Variants in LAMP5 observed in about 807,000 individuals in gnomAD.
LAMP5 encodes lysosome-associated membrane glycoprotein 5.
A neutral mutation model predicts 30.2 loss-of-function variants in LAMP5; 36 were observed. The ratio of observed to expected loss-of-function variants is 1.19; its 90% CI spans 0.91 to 1.57. The LOEUF is 1.57. LAMP5 is among the 40% of genes most tolerant of loss of function. The pLI is 0.00. For missense variants in LAMP5, 377 were observed against 354.9 expected (o/e 1.06, Z -0.50); for synonymous variants, 149 against 134.6 (o/e 1.11, Z -0.74).
chr20:9,516,544 C>A (rs964413300), intron 4 of LAMP5, among the ~76,000 whole-genome samples, 183 bp downstream of exon 4: 1 of 152,094 alleles, frequency 6.6e-6, no homozygotes, highest in Admixed American at 6.6e-5. Context: ...GGTCTCAGGC[C>A]TTGTAGATCC....
At position 9,518,128 on chromosome 20, in the gene LAMP5, T is replaced by G; in HGVS notation, c.564T>G (p.Ile188Met). The G allele has an allele frequency of 1.2e-6, 2 of 1,614,172 alleles. No homozygotes were observed. The highest frequency in any genetic ancestry group is 1.7e-6 in the Non-Finnish European group (2 of 1,180,012). ...KSYECQAQQT[I>M]SLASSDPQKT... ...ATGAGTGTCAAGCTCAACAAACCAT[T>G]TCACTGGCCTCTAGTGATCCGCAGA... Residue 188 changes from isoleucine (I) to methionine (M), a missense_variant, in exon 5 of 6, where the codon ATT becomes ATG. Transcript: ENST00000246070.
Position 9,518,031 on chromosome 20 carries a change from T to C in LAMP5, c.476-9T>C, listed in dbSNP as rs1258589967. On this transcript the variant is annotated splice_polypyrimidine_tract_variant and intron_variant, in intron 4 of 5. Transcript: ENST00000246070. ...GGGTTCTAACTATTGCTCTGGGCTC[T>C]TGCTGTAGCTGGGAAGCACACAGCC... The C allele has an allele frequency of 7.1e-7, 1 of 1,413,946 alleles. No individual in the cohort carries two copies. Among genetic ancestry groups the C allele is most frequent in the Non-Finnish European group, 9.6e-7 (1 of 1,038,358 alleles). The allele number at this position is 1,413,946 out of a possible 1,614,324, so 87.6% of individuals were successfully genotyped here.
chr20:9,516,546 T>C (rs538182315), intron 4 of LAMP5, among the ~76,000 whole-genome samples, 185 bp downstream of exon 4: 54 of 152,214 alleles, frequency 3.5e-4, no homozygotes, highest in African/African-American at 1.2e-3. Context: ...TCTCAGGCCT[T>C]GTAGATCCGC....
intron 1 of LAMP5, 148 bp downstream of exon 1, chr20:9,515,064 G>C (rs1457146697): frequency 9.5e-6 from 7 of 735,158 alleles, no homozygotes; most frequent in Non-Finnish European, 1.6e-5. Context: ...GGGGAGGAGG[G>C]AGGGCCTTCC....
rs769925728 is a variant in LAMP5, at chr20:9,515,528, T to C, written c.140T>C (p.Ile47Thr). Residue 47 changes from isoleucine (I) to threonine (T), a missense_variant, in exon 2 of 6, where the codon ATA becomes ACA. Coordinates refer to ENST00000246070, the MANE Select transcript of LAMP5 (RefSeq NM_012261.4). The part of the protein sequence containing the change: ...SGLSTNPEKD[I>T]FVVRENGTTC... ...CTTTCCACTAACCCTGAAAAAGATA[T>C]ATTTGTGGTGCGGGAAAATGGGACG... 33 of 1,614,026 alleles carry C rather than the reference T, an allele frequency of 2.0e-5. 1 individual carries two copies. The South Asian group carries it at 3.0e-4, about 14-fold the overall frequency.
chr20:9,526,860 G>GTGTA (rs1426298098), intron 5 of LAMP5, among the ~76,000 whole-genome samples: 222 of 80,136 alleles, frequency 2.8e-3, no homozygotes, highest in Middle Eastern at 9.8e-3. Flanking sequence ...GTGTGTGTGT[G>GTGTA]TATATATATA....
At chr20:9,526,329 G>A (rs1011581883) in intron 5 of LAMP5, among the ~76,000 whole-genome samples, 5 of 152,090 alleles carry the variant, frequency 3.3e-5, no homozygotes, top group Admixed American at 6.6e-5. Flanking sequence ...AAAATTGTAT[G>A]AGGTTGCCAC....
chr20:9,519,842 G>A (rs1162411583), intron 5 of LAMP5, among the ~76,000 whole-genome samples: 2 of 152,134 alleles, frequency 1.3e-5, no homozygotes, highest in African/African-American at 4.8e-5. Flanking sequence ...GTTACCACTG[G>A]TGCTATAATT....
rs915573750 is a variant in LAMP5 at position 9,515,531 on chromosome 20, T to C, written c.143T>C (p.Phe48Ser). 5.0e-6 allele frequency: 8 copies of C among 1,614,148 alleles called. No homozygotes were observed. Among genetic ancestry groups the C allele is most frequent in the Non-Finnish European group, 6.8e-6 (8 of 1,180,036 alleles). Residue 48 changes from phenylalanine to serine, a missense_variant, in exon 2 of 6, where the codon TTT becomes TCT. Coordinates refer to ENST00000246070, the MANE Select transcript of LAMP5 (RefSeq NM_012261.4). The stretch of plus-strand genomic sequence containing the variant: ...TCCACTAACCCTGAAAAAGATATAT[T>C]TGTGGTGCGGGAAAATGGGACGACG... Reference protein sequence around the residue: ...GLSTNPEKDIFVVRENGTTCL... With the variant: ...GLSTNPEKDISVVRENGTTCL...
chr20:9,516,132 G>C lies in LAMP5; in HGVS notation c.369+1G>C, dbSNP rs369259714. ...TGCACTCAAAATGCTCTTTGTAAAG[G>C]TAACTCCGAGCCCAGCGGGCAGAGG... On this transcript the variant is annotated splice_donor_variant, in intron 3 of 5. Transcript: ENST00000246070. LOFTEE classifies it high-confidence loss of function. 1 of 1,565,746 alleles carries C rather than the reference G, an allele frequency of 6.4e-7. No individual in the cohort carries two copies. The highest frequency in any genetic ancestry group is 1.4e-5 in the African/African-American group (1 of 72,758).
chr20:9,515,424 C>T, intron 1 of LAMP5, 29 bp from the exon 2 acceptor site: 1 of 1,602,198 alleles, frequency 6.2e-7, no homozygotes, highest in South Asian at 1.1e-5. Flanking sequence ...GAGCCCTGAA[C>T]TGATGGAATT....
chr20:9,528,262 G>A (rs1325051461), intron 5 of LAMP5, among the ~76,000 whole-genome samples: 1 of 152,014 alleles, frequency 6.6e-6, no homozygotes, highest in Non-Finnish European at 1.5e-5. Flanking sequence ...TGACCTCAGA[G>A]AGGTAGAGAG....
chr20:9,527,080 A>C (rs529342652), intron 5 of LAMP5, among the ~76,000 whole-genome samples: 1 of 151,944 alleles, frequency 6.6e-6, no homozygotes, highest in African/African-American at 2.4e-5. Flanking sequence ...AGCTCATTGA[A>C]TTTTCAGATG....
chr20:9,519,627 T>C (rs1603170260), intron 5 of LAMP5, among the ~76,000 whole-genome samples: 2 of 152,226 alleles, frequency 1.3e-5, no homozygotes, highest in East Asian at 1.9e-4. Context: ...AAACTGAAAA[T>C]ATTAAGCATA....
intron 5 of LAMP5, among the ~76,000 whole-genome samples, chr20:9,528,297 GGTGT>G (rs61258824): frequency 1.8e-4 from 25 of 140,254 alleles, no homozygotes; most frequent in East Asian, 4.3e-4. Context: ...GAAGGATATG[GGTGT>G]GTGTGTGTGT....
chr20:9,515,566 G>A lies in LAMP5; in HGVS notation c.178G>A (p.Ala60Thr), dbSNP rs1478849518. 4.3e-6 allele frequency: 7 copies of A among 1,614,052 alleles called. No homozygotes were observed. In the Admixed American group the frequency reaches 1.2e-4, roughly 27 times the overall value. ...VRENGTTCLM[A>T]EFAAKFIVPY... is the part of the protein sequence containing the mutation. ...GGAAAATGGGACGACGTGTCTCATG[G>A]CAGAGTTTGCAGCCAAATTTATTGT... is the stretch of plus-strand genomic sequence containing the variant. Residue 60 changes from alanine (A) to threonine (T), a missense_variant, in exon 2 of 6, where the codon GCA becomes ACA. Transcript: ENST00000246070.
Position 9,529,836 on chromosome 20 carries a change from C to G in LAMP5, c.*16C>G, listed in dbSNP as rs2232269. ...CATGGGCTAGAGGCCGTTAGGCAGG[C>G]ACCCCCTATTCCTGCTCCCCCAACT... On this transcript the variant is annotated 3_prime_UTR_variant, in exon 6 of 6. Coordinates refer to ENST00000246070, the MANE Select transcript of LAMP5 (RefSeq NM_012261.4). The G allele has an allele frequency of 2.2e-3, 3,478 of 1,612,676 alleles. 58 individuals carry two copies. The African/African-American group carries it at 0.04, about 18-fold the overall frequency.
chr20:9,520,616 C>T (rs2045073676), intron 5 of LAMP5, among the ~76,000 whole-genome samples: 1 of 151,068 alleles, frequency 6.6e-6, no homozygotes, highest in Admixed American at 6.6e-5. Context: ...TTTGTGTGTT[C>T]ATGTGTTTGG....
At chr20:9,520,619 G>A (rs2045073703) in intron 5 of LAMP5, among the ~76,000 whole-genome samples, 1 of 151,910 alleles carries the variant, frequency 6.6e-6, no homozygotes, top group Non-Finnish European at 1.5e-5. Flanking sequence ...GTGTGTTCAT[G>A]TGTTTGGACC....
Sources: gnomAD v4.1 joint callset for allele counts (sites outside exome capture counted in the v4.1 genomes callset) on GRCh38, gnomAD v4.1.1 for gene constraint, MANE v1.5 for transcripts, NCBI Gene and HGNC (gene_info 2026-07-23, HGNC 2026-07-21) for gene names.